The following CSMD1 variants were observed in gnomAD, a reference collection of about 807,000 sequenced individuals.
CSMD1 encodes CUB and sushi domain-containing protein 1.
A neutral mutation model predicts 417.5 loss-of-function variants in CSMD1; 213 were observed. That is an observed-to-expected ratio of 0.51 (90% confidence interval 0.46 to 0.57). The LOEUF (loss-of-function observed/expected upper bound fraction) is 0.57, where lower values mean the gene tolerates loss of function less well. Ranked by LOEUF, CSMD1 falls within the 20% of genes least tolerant of loss-of-function variation. The pLI is 0.00. For synonymous variants in CSMD1, 2,862 were observed against 1,736.8 expected (o/e 1.65, Z -16.11); for missense variants, 6,923 against 4,529.7 (o/e 1.53, Z -15.17).
At chr8:3,707,645 C>G (rs1801248075) in intron 7 of CSMD1, among the ~76,000 whole-genome samples, 1 of 151,574 alleles carries the variant, frequency 6.6e-6, no homozygotes, top group African/African-American at 2.4e-5. Flanking sequence ...GTGTGGGGAG[C>G]AAAACCAGTG....
At position 4,713,314 on chromosome 8, in the gene CSMD1, AC is replaced by A. The variant is rs1334851458; in HGVS notation, c.86-75757del. Reference sequence around the variant, plus strand: ...TTTTGGAAACCTGGGATGCTTAAAGACCCATCCGGTGGTGTGGTGTCTTGCC... The same window carrying A: ...TTTTGGAAACCTGGGATGCTTAAAGACCATCCGGTGGTGTGGTGTCTTGCC... On this transcript the variant is annotated intron_variant, in intron 1 of 69. Transcript: ENST00000635120. Among the ~76,000 whole-genome samples the A allele has an allele frequency of 4.6e-5, 7 of 152,248 alleles. No individual in the cohort carries two copies. The East Asian group carries it at 1.2e-3, about 25-fold the overall frequency.
At chr8:4,684,974 A>T (rs1806279625) in intron 1 of CSMD1, among the ~76,000 whole-genome samples, 1 of 152,172 alleles carries the variant, frequency 6.6e-6, no homozygotes, top group Non-Finnish European at 1.5e-5. Flanking sequence ...TATTTTAATG[A>T]TAGTAAGAAA....
At chr8:3,185,949 T>C (rs1044977886) in intron 36 of CSMD1, among the ~76,000 whole-genome samples, 1 of 152,174 alleles carries the variant, frequency 6.6e-6, no homozygotes, top group African/African-American at 2.4e-5. Context: ...ATTTCCTGTC[T>C]CTCTCTGATT....
rs1243007241 is a variant in CSMD1 at position 3,838,910 on chromosome 8, G to A, written c.819-84868C>T. 3.0e-5 allele frequency among the ~76,000 whole-genome samples: 3 copies of A among 100,534 alleles called. No homozygotes were observed. The East Asian group carries it at 7.4e-4, about 25-fold the overall frequency. 66.0% of individuals were successfully genotyped at this position (100,534 alleles called of 152,430 possible). ...ATAATATATAATAATATATACTCTAGATATGTATAGTCTCTCTATTTATAT... is the reference window on the plus strand; with the variant it reads ...ATAATATATAATAATATATACTCTAAATATGTATAGTCTCTCTATTTATAT... On this transcript the variant is annotated intron_variant, in intron 5 of 69. Transcript: ENST00000635120.
intron 1 of CSMD1, among the ~76,000 whole-genome samples, chr8:4,825,041 AGT>A (rs1799742920): frequency 1.3e-5 from 2 of 152,208 alleles, no homozygotes; most frequent in South Asian, 2.1e-4. Context: ...TCCTTTTTGA[AGT>A]CAAGCTTCTC....
intron 3 of CSMD1, among the ~76,000 whole-genome samples, chr8:4,360,629 A>G (rs970297396): frequency 2.1e-5 from 3 of 145,148 alleles, no homozygotes; most frequent in Admixed American, 2.0e-4. Context: ...AGCTGAGACT[A>G]CAGGCTGCCC....
chr8:3,524,141 G>T (rs933339700), intron 10 of CSMD1, among the ~76,000 whole-genome samples: 1 of 132,400 alleles, frequency 7.6e-6, no homozygotes. Context: ...ACACACACAC[G>T]CACATATGCA....
chr8:4,742,847 G>C (rs568818070), intron 1 of CSMD1, among the ~76,000 whole-genome samples: 3 of 152,178 alleles, frequency 2.0e-5, no homozygotes, highest in African/African-American at 7.2e-5. Context: ...TCAAATTGCA[G>C]TTACAATTCT....
At chr8:4,655,191 A>G (rs770062396) in intron 1 of CSMD1, among the ~76,000 whole-genome samples, 1 of 152,064 alleles carries the variant, frequency 6.6e-6, no homozygotes, top group Non-Finnish European at 1.5e-5. Flanking sequence ...ACAGATAATT[A>G]CCTTTTTCAT....
chr8:3,196,585 G>C (rs926318356), intron 33 of CSMD1, among the ~76,000 whole-genome samples: 1 of 152,136 alleles, frequency 6.6e-6, no homozygotes, highest in East Asian at 1.9e-4. Flanking sequence ...TTTCATGCCA[G>C]CTTCTCACCA....
At chr8:3,423,171 G>C (rs922011817) in intron 12 of CSMD1, among the ~76,000 whole-genome samples, 3 of 152,200 alleles carry the variant, frequency 2.0e-5, no homozygotes, top group South Asian at 4.2e-4. Flanking sequence ...GAATGAATTA[G>C]GTACCACAAA....
intron 1 of CSMD1, among the ~76,000 whole-genome samples, chr8:4,715,407 C>G (rs534663907): frequency 6.6e-6 from 1 of 152,084 alleles, no homozygotes; most frequent in Non-Finnish European, 1.5e-5. Context: ...AAAACAGATA[C>G]CTTTATTCAT....
chr8:3,673,174 C>T (rs1421672070), intron 7 of CSMD1, among the ~76,000 whole-genome samples: 1 of 152,186 alleles, frequency 6.6e-6, no homozygotes, highest in Non-Finnish European at 1.5e-5. Context: ...ATTAATGGGA[C>T]ACAGAATCTG....
At position 4,295,097 on chromosome 8, in the gene CSMD1, C is replaced by CATATAATCTTAAGATT. The variant is rs1289052243; in HGVS notation, c.415+124840_415+124855dup. ...ACACATATAATCTTAAGATTACACA[C>CATATAATCTTAAGATT]ATATAATCTTAAGATTACACACATA... On this transcript the variant is annotated intron_variant, in intron 3 of 69. Coordinates refer to ENST00000635120, the MANE Select transcript of CSMD1 (RefSeq NM_033225.6). 5.2e-3 allele frequency among the ~76,000 whole-genome samples: 550 copies of CATATAATCTTAAGATT among 106,350 alleles called. 34 individuals are homozygous for CATATAATCTTAAGATT. The highest frequency in any genetic ancestry group is 9.0e-3 in the Non-Finnish European group (408 of 45,268). The allele number at this position is 106,350 out of a possible 152,430, so 69.8% of individuals were successfully genotyped here.
intron 50 of CSMD1, among the ~76,000 whole-genome samples, chr8:3,047,015 C>A (rs140130834): frequency 0.015 from 2,187 of 150,602 alleles, 18 homozygotes; most frequent in East Asian, 0.032. Context: ...TGAGACCAGC[C>A]TGGCCAACAT....
chr8:3,601,984 T>A (rs773388801), intron 8 of CSMD1, among the ~76,000 whole-genome samples: 17 of 151,900 alleles, frequency 1.1e-4, no homozygotes, highest in Non-Finnish European at 2.1e-4. Context: ...TGTCGGGAGA[T>A]GTGGGTAGGG....
chr8:4,129,941 C>G (rs1802994658), intron 3 of CSMD1, among the ~76,000 whole-genome samples: 1 of 151,972 alleles, frequency 6.6e-6, no homozygotes. Context: ...TATTTAAGTT[C>G]TTATATCTTG....
chr8:3,023,161 G>A (rs1335879395), intron 51 of CSMD1, among the ~76,000 whole-genome samples: 1 of 152,126 alleles, frequency 6.6e-6, no homozygotes, highest in Non-Finnish European at 1.5e-5. Flanking sequence ...GCTCCCATAC[G>A]TTTAATGATC....
intron 2 of CSMD1, among the ~76,000 whole-genome samples, chr8:4,634,692 G>T (rs1251280047): frequency 2.0e-5 from 3 of 152,042 alleles, no homozygotes; most frequent in Non-Finnish European, 4.4e-5. Context: ...AGGCATAATG[G>T]GAAACGAATA....
Sources: allele counts gnomAD v4.1 joint callset (sites outside exome capture counted in the v4.1 genomes callset), GRCh38; gene constraint gnomAD v4.1.1; transcripts MANE v1.5; gene names NCBI Gene and HGNC (gene_info 2026-07-23, HGNC 2026-07-21).